EPHA3: variants seen among roughly 807,000 people sequenced by gnomAD.
The protein encoded by EPHA3 is ephrin type-A receptor 3.
In EPHA3, 42 loss-of-function variants were observed where a neutral mutation model predicts 107.1. The observed-to-expected ratio is 0.39, with a 90% CI of 0.31 to 0.51. The LOEUF is 0.51. EPHA3 is among the 20% of genes least tolerant of loss of function. The probability of loss-of-function intolerance (pLI) is 0.78; values close to 1 mark genes in which losing one functional copy is unlikely to be tolerated. For missense variants in EPHA3, 1,183 were observed against 1,211.2 expected (o/e 0.98, Z 0.35); for synonymous variants, 461 against 424.8 (o/e 1.09, Z -1.05).
chr3:89,322,209 T>G (rs1707059876), intron 3 of EPHA3, among the ~76,000 whole-genome samples: 1 of 152,020 alleles, frequency 6.6e-6, no homozygotes, highest in Non-Finnish European at 1.5e-5. Context: ...ATGGAATTAT[T>G]CAAGTATCCA....
Position 89,304,313 on chromosome 3 carries a change from ATTATTTG to A in EPHA3, c.815-36599_815-36593del, listed in dbSNP as rs576681312. ...TTATTCCCAACGTAGACATGGTGAT[ATTATTTG>A]TTAAAATTAGTCAATTGTTGTTTCT... On this transcript the variant is annotated intron_variant, in intron 3 of 16. Transcript: ENST00000336596. Among the ~76,000 whole-genome samples the A allele has an allele frequency of 1.1e-4, 17 of 152,194 alleles. No individual in the cohort carries two copies. In the South Asian group the frequency reaches 3.5e-3, roughly 32 times the overall value.
At chr3:89,284,151 A>G (rs1706019063) in intron 3 of EPHA3, among the ~76,000 whole-genome samples, 1 of 152,124 alleles carries the variant, frequency 6.6e-6, no homozygotes, top group Non-Finnish European at 1.5e-5. Context: ...TTGTTATAGG[A>G]ATGTGTTCTG....
chr3:89,222,776 C>T (rs1034987249), intron 3 of EPHA3, among the ~76,000 whole-genome samples: 1 of 151,982 alleles, frequency 6.6e-6, no homozygotes, highest in African/African-American at 2.4e-5. Flanking sequence ...ACACAAAATA[C>T]GTTAATAAAT....
At chr3:89,400,087 C>T in intron 7 of EPHA3, 1 of 1,016,730 alleles carries the variant, frequency 9.8e-7, no homozygotes, top group Non-Finnish European at 1.2e-6. Flanking sequence ...TTAAAAAAGC[C>T]CTTTGCTAAA....
intron 7 of EPHA3, among the ~76,000 whole-genome samples, chr3:89,406,693 G>A (rs1437946984): frequency 6.6e-6 from 1 of 152,044 alleles, no homozygotes; most frequent in African/African-American, 2.4e-5. Context: ...ACAAAAACAG[G>A]GGACGGGCAA....
At chr3:89,231,614 G>C (rs945451601) in intron 3 of EPHA3, among the ~76,000 whole-genome samples, 5 of 152,094 alleles carry the variant, frequency 3.3e-5, no homozygotes, top group African/African-American at 1.2e-4. Context: ...CGTTAGAAGT[G>C]CAGTCCTTAG....
At chr3:89,396,677 T>C (rs116374305) in intron 6 of EPHA3, among the ~76,000 whole-genome samples, 1,719 of 152,304 alleles carry the variant, frequency 0.011, 38 homozygotes, top group African/African-American at 0.039. Context: ...ACAAGATATG[T>C]TTAAACCTTA....
At chr3:89,425,719 A>G (rs1709441972) in intron 11 of EPHA3, among the ~76,000 whole-genome samples, 1 of 151,470 alleles carries the variant, frequency 6.6e-6, no homozygotes, top group Admixed American at 6.6e-5. Context: ...CTATATATGT[A>G]TATATATATG....
chr3:89,434,581 T>A (rs1183983552), intron 13 of EPHA3, among the ~76,000 whole-genome samples: 1 of 152,160 alleles, frequency 6.6e-6, no homozygotes, highest in Non-Finnish European at 1.5e-5. Flanking sequence ...GCCAGGATAC[T>A]CAAAAGAATA....
intron 2 of EPHA3, among the ~76,000 whole-genome samples, chr3:89,204,664 A>G (rs1706058150): frequency 6.6e-6 from 1 of 150,980 alleles, no homozygotes; most frequent in African/African-American, 2.4e-5. Context: ...TGGGCTAAGG[A>G]AAACTACTTA....
At chr3:89,387,627 A>C (rs1708647213) in intron 5 of EPHA3, among the ~76,000 whole-genome samples, 3 of 151,934 alleles carry the variant, frequency 2.0e-5, no homozygotes, top group Non-Finnish European at 4.4e-5. Context: ...ACCATATCAC[A>C]TATATCATAT....
At chr3:89,221,104 G>A (rs1156579343) in intron 3 of EPHA3, among the ~76,000 whole-genome samples, 1 of 152,158 alleles carries the variant, frequency 6.6e-6, no homozygotes, top group Non-Finnish European at 1.5e-5. Context: ...TGGGACCACT[G>A]TTTCCTATGC....
At chr3:89,442,527 G>C (rs1047134385) in intron 13 of EPHA3, among the ~76,000 whole-genome samples, 1 of 152,132 alleles carries the variant, frequency 6.6e-6, no homozygotes, top group African/African-American at 2.4e-5. Context: ...ATGTAATCTA[G>C]ATGACAGCGG....
At chr3:89,470,687 G>GA (rs142875351) in intron 15 of EPHA3, among the ~76,000 whole-genome samples, 1,528 of 152,156 alleles carry the variant, frequency 0.01, 40 homozygotes, top group African/African-American at 0.035. Context: ...AATCATTTAA[G>GA]AAAAAACAGG....
Position 89,431,262 on chromosome 3 carries a change from G to A in EPHA3, c.2249G>A (p.Arg750Gln), listed in dbSNP as rs780417089. The A allele has an allele frequency of 4.3e-6, 7 of 1,613,472 alleles. No individual in the cohort carries two copies. Among genetic ancestry groups the A allele is most frequent in the South Asian group, 1.1e-5 (1 of 91,030 alleles). ...TATGTTCACCGAGACCTCGCTGCTCGGAACATCTTGATCAACAGTAACTTG... is the reference window on the plus strand; with the variant it reads ...TATGTTCACCGAGACCTCGCTGCTCAGAACATCTTGATCAACAGTAACTTG... ...MGYVHRDLAA[R>Q]NILINSNLVC... is the part of the protein sequence containing the mutation. Residue 750 changes from arginine to glutamine, a missense_variant, in exon 13 of 17, where the codon CGG becomes CAG. Arg to Gln is a conservative substitution (Grantham distance 43). Coordinates refer to ENST00000336596, the MANE Select transcript of EPHA3 (RefSeq NM_005233.6).
At chr3:89,134,622 C>A (rs899833715) in intron 2 of EPHA3, among the ~76,000 whole-genome samples, 2 of 151,978 alleles carry the variant, frequency 1.3e-5, no homozygotes, top group African/African-American at 2.4e-5. Flanking sequence ...TATCATTGTT[C>A]GACATTTGGG....
intron 3 of EPHA3, among the ~76,000 whole-genome samples, chr3:89,311,743 G>C (rs1302761661): frequency 3.3e-5 from 5 of 152,006 alleles, no homozygotes. Flanking sequence ...TGTTTATTGA[G>C]TGTCTACATC....
intron 5 of EPHA3, among the ~76,000 whole-genome samples, chr3:89,345,966 A>G (rs1326479042): frequency 1.4e-5 from 2 of 147,914 alleles, no homozygotes; most frequent in Non-Finnish European, 3.0e-5. Context: ...TTATGGCTGC[A>G]TAGATATTCC....
intron 5 of EPHA3, among the ~76,000 whole-genome samples, chr3:89,391,168 T>G (rs1708719972): frequency 6.6e-6 from 1 of 152,074 alleles, no homozygotes; most frequent in Non-Finnish European, 1.5e-5. Flanking sequence ...TCCTATGTCA[T>G]GATCGAAGAA....
Sources: gnomAD v4.1 joint callset for allele counts (sites outside exome capture counted in the v4.1 genomes callset) on GRCh38, gnomAD v4.1.1 for gene constraint, MANE v1.5 for transcripts, NCBI Gene and HGNC (gene_info 2026-07-23, HGNC 2026-07-21) for gene names.